The following ATRNL1 variants were observed in gnomAD, a reference collection of about 807,000 sequenced individuals.
The protein encoded by ATRNL1 is attractin-like protein 1.
ATRNL1 carries 95 observed loss-of-function variants against 182.7 expected under a neutral mutation model. That is an observed-to-expected ratio of 0.52 (90% CI 0.44 to 0.62). The LOEUF is 0.62. ATRNL1 is among the 20% of genes least tolerant of loss of function. The probability of loss-of-function intolerance (pLI) is 0.00; values close to 1 mark genes in which losing one functional copy is unlikely to be tolerated. For missense variants in ATRNL1, 1,471 were observed against 1,679.5 expected (o/e 0.88, Z 2.17); for synonymous variants, 576 against 568.3 (o/e 1.01, Z -0.19).
intron 19 of ATRNL1, among the ~76,000 whole-genome samples, chr10:115,354,623 A>G (rs1344044218): frequency 2.0e-5 from 3 of 151,754 alleles, no homozygotes; most frequent in Admixed American, 6.6e-5. Flanking sequence ...TGATTCTTTC[A>G]TCTTTGACCT....
chr10:115,775,472 T>C (rs1949100089), intron 27 of ATRNL1, among the ~76,000 whole-genome samples: 1 of 152,236 alleles, frequency 6.6e-6, no homozygotes. Flanking sequence ...GTATAAGATT[T>C]AAACCTTCCA....
At chr10:115,136,092 G>A (rs1554876600) in intron 5 of ATRNL1, among the ~76,000 whole-genome samples, 1 of 150,340 alleles carries the variant, frequency 6.7e-6, no homozygotes, top group Non-Finnish European at 1.5e-5. Flanking sequence ...TCAAACTCCT[G>A]GGCTCCAGTG....
At chr10:115,691,752 T>A (rs1946401532) in intron 26 of ATRNL1, among the ~76,000 whole-genome samples, 1 of 150,590 alleles carries the variant, frequency 6.6e-6, no homozygotes, top group Non-Finnish European at 1.5e-5. Flanking sequence ...TCAATCAATC[T>A]ATTCAGTTCC....
intron 13 of ATRNL1, among the ~76,000 whole-genome samples, chr10:115,271,296 T>A (rs1851852428): frequency 6.6e-6 from 1 of 152,004 alleles, no homozygotes; most frequent in African/African-American, 2.4e-5. Flanking sequence ...TTCTTTTTTT[T>A]ATTATACTTT....
intron 26 of ATRNL1, among the ~76,000 whole-genome samples, chr10:115,595,207 C>T (rs1856160230): frequency 7.4e-6 from 1 of 134,378 alleles, no homozygotes; most frequent in South Asian, 2.6e-4. Context: ...GAATTTTTTT[C>T]TTTCCTTCCT....
intron 26 of ATRNL1, among the ~76,000 whole-genome samples, chr10:115,593,005 A>C (rs1481542626): frequency 6.6e-6 from 1 of 152,176 alleles, no homozygotes; most frequent in African/African-American, 2.4e-5. Flanking sequence ...CAGACTGGGT[A>C]ATTTGTAATG....
At chr10:115,242,053 A>G (rs149107217) in intron 10 of ATRNL1, among the ~76,000 whole-genome samples, 95 of 152,168 alleles carry the variant, frequency 6.2e-4, no homozygotes, top group African/African-American at 2.1e-3. Flanking sequence ...TAATGGGTAG[A>G]TATGGAATAC....
chr10:115,279,866 C>T (rs1852278488), intron 13 of ATRNL1, among the ~76,000 whole-genome samples: 1 of 152,132 alleles, frequency 6.6e-6, no homozygotes, highest in South Asian at 2.1e-4. Flanking sequence ...CATGGAGTTG[C>T]TCACATATAT....
At chr10:115,940,878 T>A (rs1953711612) in intron 28 of ATRNL1, among the ~76,000 whole-genome samples, 2 of 152,332 alleles carry the variant, frequency 1.3e-5, no homozygotes, top group Non-Finnish European at 2.9e-5. Flanking sequence ...GCAAAAGTAG[T>A]AATAACTTGA....
chr10:115,445,153 G>T (rs1316839379), intron 21 of ATRNL1, among the ~76,000 whole-genome samples: 1 of 151,280 alleles, frequency 6.6e-6, no homozygotes. Flanking sequence ...TGGCTGCTGG[G>T]CAAAATGGCT....
chr10:115,268,352 T>C lies in ATRNL1; in HGVS notation c.2008T>C (p.Tyr670His), dbSNP rs782716692. ...TAASDDRCYR[Y>H]ADCASCTANT... ...TGCTTCTGATGACAGATGTTACAGA[T>C]ATGCAGATTGTGCCAGCTGTACTGC... The change falls in exon 13 of 29, where the codon TAT becomes CAT. Residue 670 changes from tyrosine (Y) to histidine (H), a missense_variant. Physicochemically the swap from Tyr to His is moderately conservative, Grantham distance 83. Coordinates refer to ENST00000355044, the MANE Select transcript of ATRNL1 (RefSeq NM_207303.4). 1.2e-6 allele frequency: 2 copies of C among 1,613,038 alleles called. No individual in the cohort carries two copies. The highest frequency in any genetic ancestry group is 1.7e-6 in the Non-Finnish European group (2 of 1,179,146).
intron 28 of ATRNL1, among the ~76,000 whole-genome samples, chr10:115,912,530 C>A (rs1246113517): frequency 6.6e-6 from 1 of 151,746 alleles, no homozygotes; most frequent in African/African-American, 2.4e-5. Flanking sequence ...AGCTATGTAT[C>A]AAGAGCTTCA....
intron 28 of ATRNL1, among the ~76,000 whole-genome samples, chr10:115,940,426 T>C (rs1953692085): frequency 6.6e-6 from 1 of 152,224 alleles, no homozygotes; most frequent in African/African-American, 2.4e-5. Flanking sequence ...GGGCTGGTTA[T>C]TGCAGATTAT....
At chr10:115,899,989 A>G (rs1952310755) in intron 28 of ATRNL1, among the ~76,000 whole-genome samples, 1 of 152,174 alleles carries the variant, frequency 6.6e-6, no homozygotes, top group Non-Finnish European at 1.5e-5. Context: ...AAGAGAAAAG[A>G]TTTGCTTATC....
intron 28 of ATRNL1, among the ~76,000 whole-genome samples, chr10:115,913,751 A>G (rs1952757061): frequency 6.6e-6 from 1 of 152,182 alleles, no homozygotes; most frequent in Non-Finnish European, 1.5e-5. Flanking sequence ...GAAAGCATAG[A>G]TGGAGTCACA....
At chr10:115,677,744 T>C (rs1338046007) in intron 26 of ATRNL1, among the ~76,000 whole-genome samples, 1 of 152,048 alleles carries the variant, frequency 6.6e-6, no homozygotes, top group Non-Finnish European at 1.5e-5. Context: ...AACAGACTAA[T>C]AGAGCAAGGA....
At chr10:115,913,333 T>C (rs2134532562) in intron 28 of ATRNL1, among the ~76,000 whole-genome samples, 1 of 152,092 alleles carries the variant, frequency 6.6e-6, no homozygotes, top group African/African-American at 2.4e-5. Flanking sequence ...CAAAGGTGGC[T>C]CCAAAAATCA....
intron 17 of ATRNL1, among the ~76,000 whole-genome samples, chr10:115,306,180 A>G (rs1853718817): frequency 6.6e-6 from 1 of 152,148 alleles, no homozygotes; most frequent in Non-Finnish European, 1.5e-5. Flanking sequence ...AAATTTTACC[A>G]TTTTAACCAT....
chr10:115,665,756 C>T (rs1246153745), intron 26 of ATRNL1, among the ~76,000 whole-genome samples: 1 of 152,142 alleles, frequency 6.6e-6, no homozygotes, highest in Non-Finnish European at 1.5e-5. Flanking sequence ...TGTGAAGAGT[C>T]ATTATCTAGA....
Sources: allele counts gnomAD v4.1 joint callset (sites outside exome capture counted in the v4.1 genomes callset), GRCh38; gene constraint gnomAD v4.1.1; transcripts MANE v1.5; gene names NCBI Gene and HGNC (gene_info 2026-07-23, HGNC 2026-07-21).